The following EYS variants were observed in gnomAD, a reference collection of about 807,000 sequenced individuals.
The protein encoded by EYS is EGF-like photoreceptor maintenance factor, also known as protein eyes shut homolog.
A neutral mutation model predicts 282.1 loss-of-function variants in EYS; 250 were observed. The ratio of observed to expected loss-of-function variants is 0.89; its 90% confidence interval spans 0.80 to 0.98. EYS has a LOEUF of 0.98. Ranked by LOEUF, EYS falls within the 50% of genes least tolerant of loss-of-function variation. The probability of loss-of-function intolerance (pLI) is 0.00; values close to 1 mark genes in which losing one functional copy is unlikely to be tolerated. For missense variants in EYS, 4,016 were observed against 3,709.0 expected (o/e 1.08, Z -2.15); for synonymous variants, 1,355 against 1,282.9 (o/e 1.06, Z -1.20).
intron 12 of EYS, among the ~76,000 whole-genome samples, chr6:65,079,075 G>T (rs115783564): frequency 0.022 from 3,328 of 151,946 alleles, 40 homozygotes; most frequent in African/African-American, 0.028. Flanking sequence ...TTTATAAATT[G>T]CTCAGTCTCA....
chr6:65,079,863 A>G (rs535961314), intron 12 of EYS, among the ~76,000 whole-genome samples: 2 of 152,120 alleles, frequency 1.3e-5, no homozygotes, highest in African/African-American at 2.4e-5. Flanking sequence ...AACCTCCCTT[A>G]TTGTTTCTCA....
chr6:65,170,856 TTTG>T (rs1214654841), intron 12 of EYS, among the ~76,000 whole-genome samples: 1 of 151,504 alleles, frequency 6.6e-6, no homozygotes, highest in African/African-American at 2.4e-5. Context: ...TTTAGAAATC[TTTG>T]AATATCCAAT....
chr6:64,191,334 T>G (rs1042089519), intron 31 of EYS, among the ~76,000 whole-genome samples: 1 of 151,950 alleles, frequency 6.6e-6, no homozygotes, highest in Non-Finnish European at 1.5e-5. Flanking sequence ...AAATTTATTA[T>G]TAATATTATT....
chr6:64,440,117 C>T (rs61304613), intron 26 of EYS, among the ~76,000 whole-genome samples: 4,302 of 151,840 alleles, frequency 0.028, 189 homozygotes, highest in African/African-American at 0.099. Flanking sequence ...ACGTCCCCAA[C>T]ACAAGCTTTC....
intron 1 of EYS, among the ~76,000 whole-genome samples, chr6:65,643,273 T>A (rs1276587812): frequency 1.3e-5 from 2 of 152,152 alleles, no homozygotes; most frequent in Admixed American, 6.5e-5. Context: ...TTTCCCCCAC[T>A]TCTTTGGTGA....
chr6:65,204,931 A>T (rs1315935), intron 12 of EYS, among the ~76,000 whole-genome samples: 1 of 116,220 alleles, frequency 8.6e-6, no homozygotes, highest in Non-Finnish European at 1.8e-5. Flanking sequence ...TATATATTCT[A>T]GAAGAATATA....
intron 14 of EYS, among the ~76,000 whole-genome samples, chr6:64,989,037 T>C (rs1178038848): frequency 6.6e-6 from 1 of 151,412 alleles, no homozygotes; most frequent in Non-Finnish European, 1.5e-5. Context: ...ATTAATGCCT[T>C]GTATGGGACA....
At chr6:64,828,148 T>C (rs756839200) in intron 19 of EYS, among the ~76,000 whole-genome samples, 5 of 151,886 alleles carry the variant, frequency 3.3e-5, no homozygotes, top group Admixed American at 6.6e-5. Context: ...ATCAGTGGAC[T>C]GGACATAGGA....
At chr6:64,718,149 C>T (rs116840580) in intron 22 of EYS, among the ~76,000 whole-genome samples, 5,345 of 152,270 alleles carry the variant, frequency 0.035, 140 homozygotes, top group Non-Finnish European at 0.05. Flanking sequence ...TTCCTGTTTA[C>T]TTATGCATGA....
At chr6:64,635,938 G>A (rs1360170327) in intron 22 of EYS, among the ~76,000 whole-genome samples, 1 of 151,618 alleles carries the variant, frequency 6.6e-6, no homozygotes, top group African/African-American at 2.4e-5. Flanking sequence ...ATCTGGATGT[G>A]AATCCATCTG....
intron 29 of EYS, among the ~76,000 whole-genome samples, chr6:64,333,571 C>T (rs146059835): frequency 1.2e-3 from 183 of 151,834 alleles, no homozygotes; most frequent in African/African-American, 4.2e-3. Context: ...AACATGCAAC[C>T]CACTCAATCT....
At chr6:65,033,993 C>T (rs529094323) in intron 13 of EYS, among the ~76,000 whole-genome samples, 17 of 152,236 alleles carry the variant, frequency 1.1e-4, no homozygotes, top group African/African-American at 3.6e-4. Flanking sequence ...GAAAACACAC[C>T]GTTTGGGTTC....
intron 31 of EYS, among the ~76,000 whole-genome samples, chr6:64,228,448 G>A (rs1231464796): frequency 1.3e-5 from 2 of 151,990 alleles, no homozygotes; most frequent in Non-Finnish European, 2.9e-5. Context: ...ATGTGCCTCA[G>A]TATTAATGAA....
intron 13 of EYS, among the ~76,000 whole-genome samples, chr6:65,045,311 A>G (rs1046279649): frequency 2.6e-5 from 4 of 151,846 alleles, no homozygotes; most frequent in African/African-American, 7.3e-5. Context: ...TGTGCTTCTC[A>G]CTTGAATCAA....
intron 35 of EYS, among the ~76,000 whole-genome samples, chr6:63,972,163 C>T (rs1038338204): frequency 6.6e-6 from 1 of 152,124 alleles, no homozygotes. Flanking sequence ...TACTTCTAAG[C>T]AGAGTTGAAT....
intron 22 of EYS, among the ~76,000 whole-genome samples, chr6:64,765,164 A>T (rs998771860): frequency 2.6e-5 from 4 of 152,248 alleles, no homozygotes; most frequent in African/African-American, 9.6e-5. Flanking sequence ...CTTCTGCCAG[A>T]TACCCTGAAT....
intron 31 of EYS, among the ~76,000 whole-genome samples, chr6:64,194,226 C>T (rs1015517592): frequency 6.6e-6 from 1 of 152,130 alleles, no homozygotes; most frequent in Non-Finnish European, 1.5e-5. Context: ...CCCACCAACC[C>T]AACACACATA....
intron 29 of EYS, among the ~76,000 whole-genome samples, chr6:64,350,933 GC>G (rs1475005070): frequency 6.6e-6 from 1 of 151,386 alleles, no homozygotes; most frequent in African/African-American, 2.4e-5. Flanking sequence ...TTTATAAGGG[GC>G]TTTTCCCAAC....
At position 65,490,756 on chromosome 6, in the gene EYS, A is replaced by G. The variant is rs1301715359; in HGVS notation, c.749-49T>C. 3.2e-6 allele frequency: 3 copies of G among 949,276 alleles called. No homozygotes were observed. In the Admixed American group the frequency reaches 5.4e-5, roughly 17 times the overall value. 58.8% of individuals were successfully genotyped at this position (949,276 alleles called of 1,614,324 possible). A position where few individuals can be genotyped will look rare whatever the true frequency, so the allele number is the denominator to read the frequency against. On this transcript the variant is annotated intron_variant, in intron 4 of 42. Transcript: ENST00000503581. ...TTTTACATTGGATATCAATATTATA[A>G]CCATCAGTTTTCCCTCAATTCTTTA...
Sources: gnomAD v4.1 joint callset for allele counts (sites outside exome capture counted in the v4.1 genomes callset) on GRCh38, gnomAD v4.1.1 for gene constraint, MANE v1.5 for transcripts, NCBI Gene and HGNC (gene_info 2026-07-23, HGNC 2026-07-21) for gene names.